The following DZANK1 variants were observed in gnomAD, a reference collection of about 807,000 sequenced individuals.
DZANK1 encodes double zinc ribbon and ankyrin repeat domains 1.
Under a neutral mutation model 94.5 loss-of-function variants are expected in DZANK1, and 91 were observed. The observed-to-expected ratio is 0.96, with a 90% CI of 0.81 to 1.15. DZANK1 has a LOEUF of 1.15. Ranked by LOEUF, DZANK1 falls within the 50% of genes most tolerant of loss-of-function variation. The pLI is 0.00. For synonymous variants in DZANK1, 312 were observed against 325.3 expected (o/e 0.96, Z 0.44); for missense variants, 903 against 916.4 (o/e 0.99, Z 0.19).
chr20:18,384,919 G>A (rs2048390640), intron 20 of DZANK1, 97 bp downstream of exon 20: 1 of 1,187,594 alleles, frequency 8.4e-7, no homozygotes, highest in Non-Finnish European at 1.2e-6. Flanking sequence ...GACAGGGACA[G>A]CAGTTCAGGA....
In DZANK1 at chr20:18,398,485, C is replaced by T. The variant is rs143846023; in HGVS notation, c.1536+38G>A. 2.1e-3 allele frequency: 3,369 copies of T among 1,594,342 alleles called. 102 individuals are homozygous for T. The Admixed American group carries it at 0.048, about 23-fold the overall frequency. Reference sequence around the variant, plus strand: ...ATGGAGGGTTCCTTCAGCCTGATCCCGTGGACACTTGTGGAGTGGAAATTT... The same window carrying T: ...ATGGAGGGTTCCTTCAGCCTGATCCTGTGGACACTTGTGGAGTGGAAATTT... On this transcript the variant is annotated intron_variant, in intron 14 of 20. Transcript: ENST00000262547.
chr20:18,458,736 T>C (rs1366733845), intron 3 of DZANK1, among the ~76,000 whole-genome samples: 4 of 152,172 alleles, frequency 2.6e-5, no homozygotes, highest in African/African-American at 9.7e-5. Context: ...TTGGATGGTC[T>C]TGATGCTCCC....
exon 19 of DZANK1, chr20:18,389,744 C>A: frequency 6.2e-7 from 1 of 1,613,974 alleles, no homozygotes; most frequent in Non-Finnish European, 8.5e-7. Flanking sequence ...TGCACGAGAA[C>A]TGGAATCGCT....
chr20:18,440,098 G>A (rs998490490), intron 8 of DZANK1, among the ~76,000 whole-genome samples: 18 of 152,292 alleles, frequency 1.2e-4, no homozygotes, highest in Admixed American at 9.2e-4. Context: ...GAAGGCAGCC[G>A]TCTGAAAGCT....
chr20:18,440,066 A>G (rs1307741660), intron 8 of DZANK1, among the ~76,000 whole-genome samples: 3 of 152,178 alleles, frequency 2.0e-5, no homozygotes, highest in Non-Finnish European at 4.4e-5. Flanking sequence ...CCCAGAGGAA[A>G]GGCCAAGTAA....
Position 18,449,051 on chromosome 20 carries a change from C to T in DZANK1, c.562G>A (p.Val188Ile), listed in dbSNP as rs201423741. The T allele has an allele frequency of 2.5e-5, 41 of 1,613,562 alleles. No homozygotes were observed. The African/African-American group carries it at 4.0e-4, about 16-fold the overall frequency. Residue 188 changes from valine to isoleucine, a missense_variant, in exon 7 of 21, where the codon GTA (valine) becomes ATA (isoleucine). Coordinates refer to ENST00000262547, the Ensembl canonical transcript of DZANK1. ...CTTGTCAAACACTTCTGACCGCTTA[C>T]GTGTGCAAAACCGGGGGACTAAAAT... is the stretch of plus-strand genomic sequence containing the variant.
chr20:18,426,207 T>G (rs1288638070), intron 10 of DZANK1, among the ~76,000 whole-genome samples: 1 of 152,142 alleles, frequency 6.6e-6, no homozygotes. Context: ...TTGTGAACTG[T>G]GCATGCGAGG....
chr20:18,459,515 AAAT>A (rs1355113071), intron 3 of DZANK1, among the ~76,000 whole-genome samples: 1 of 152,196 alleles, frequency 6.6e-6, no homozygotes, highest in East Asian at 1.9e-4. Flanking sequence ...ATTGCTGGAA[AAAT>A]AATTCCTATA....
At chr20:18,386,657 CAT>C (rs1568861652) in intron 19 of DZANK1, among the ~76,000 whole-genome samples, 1 of 152,034 alleles carries the variant, frequency 6.6e-6, no homozygotes, top group African/African-American at 2.4e-5. Flanking sequence ...GAAAGACAGA[CAT>C]ATGGAGTTAA....
Position 18,394,457 on chromosome 20 carries a change from C to T in DZANK1, c.1612-107G>A, listed in dbSNP as rs189856721. ...CTCCTCCTTATTAAGTACAGCTCTA[C>T]CTACCCAGAGAGTGGAGCCTGAGAC... On this transcript the variant is annotated intron_variant, in intron 15 of 20. Transcript: ENST00000262547. 41 of 1,088,440 alleles carry T rather than the reference C, an allele frequency of 3.8e-5. No homozygotes were observed. The East Asian group carries it at 7.8e-4, about 21-fold the overall frequency. 67.4% of individuals were successfully genotyped at this position (1,088,440 alleles called of 1,614,324 possible). A position where few individuals can be genotyped will look rare whatever the true frequency, so the allele number is the denominator to read the frequency against.
chr20:18,396,448 A>G (rs755962987), intron 15 of DZANK1, 24 bp downstream of exon 15: 18 of 1,584,060 alleles, frequency 1.1e-5, no homozygotes, highest in Non-Finnish European at 1.6e-5. Context: ...TTCTCAAATG[A>G]ATAACTTCTG....
chr20:18,432,341 C>T (rs932334456), intron 9 of DZANK1, among the ~76,000 whole-genome samples: 8 of 152,094 alleles, frequency 5.3e-5, no homozygotes, highest in Non-Finnish European at 7.4e-5. Flanking sequence ...ATAACACAGG[C>T]TTAAATAAGA....
intron 17 of DZANK1, among the ~76,000 whole-genome samples, chr20:18,391,406 T>G (rs1217892186): frequency 6.6e-6 from 1 of 152,134 alleles, no homozygotes; most frequent in African/African-American, 2.4e-5. Flanking sequence ...GCTAATTTTT[T>G]GTATTTTTAA....
intron 20 of DZANK1, 91 bp from the exon 21 acceptor site, chr20:18,384,655 T>G (rs1019573510): frequency 2.2e-6 from 3 of 1,394,990 alleles, no homozygotes; most frequent in African/African-American, 2.9e-5. Flanking sequence ...GAGGCCAGGC[T>G]GGGCCCCTCC....
At chr20:18,456,066 G>A (rs1275531127) in intron 3 of DZANK1, among the ~76,000 whole-genome samples, 3 of 152,172 alleles carry the variant, frequency 2.0e-5, no homozygotes, top group African/African-American at 7.2e-5. Flanking sequence ...ATAGTTCATT[G>A]GGGGCCATTT....
intron 4 of DZANK1, 44 bp from the exon 5 acceptor site, chr20:18,453,871 T>A: frequency 2.6e-6 from 3 of 1,168,534 alleles, no homozygotes; most frequent in Non-Finnish European, 3.9e-6. Flanking sequence ...GTTATTCCCA[T>A]GTGAGAATTA....
At chr20:18,443,525 T>C in intron 7 of DZANK1, 61 bp from the exon 8 acceptor site, 1 of 936,476 alleles carries the variant, frequency 1.1e-6, no homozygotes, top group Non-Finnish European at 1.5e-6. Flanking sequence ...AGAAGACTGA[T>C]AAAAATCTAA....
At chr20:18,396,430 T>A (rs2148254517) in intron 15 of DZANK1, 42 bp downstream of exon 15, 2 of 1,461,358 alleles carry the variant, frequency 1.4e-6, no homozygotes, top group East Asian at 4.6e-5. Context: ...AATTTACTAA[T>A]CGGTCAGTTC....
intron 13 of DZANK1, among the ~76,000 whole-genome samples, chr20:18,406,607 A>C (rs1335941908): frequency 1.3e-5 from 2 of 152,246 alleles, no homozygotes; most frequent in Non-Finnish European, 2.9e-5. Context: ...GGGAAGACCC[A>C]GCACATTCCA....
Sources: gnomAD v4.1 joint callset for allele counts (sites outside exome capture counted in the v4.1 genomes callset) on GRCh38, gnomAD v4.1.1 for gene constraint, MANE v1.5 for transcripts, NCBI Gene and HGNC (gene_info 2026-07-23, HGNC 2026-07-21) for gene names.